Variants in CDC27 observed in about 807,000 individuals in gnomAD.
The protein encoded by CDC27 is cell division cycle 27.
In CDC27, 27 loss-of-function variants were observed where a neutral mutation model predicts 109.7. That is an observed-to-expected ratio of 0.25 (90% confidence interval 0.18 to 0.34). The LOEUF is 0.34. Ranked by LOEUF, CDC27 falls within the 10% of genes least tolerant of loss-of-function variation. The probability of loss-of-function intolerance (pLI) is 1.00; values close to 1 mark genes in which losing one functional copy is unlikely to be tolerated. For synonymous variants in CDC27, 266 were observed against 333.9 expected, an observed-to-expected ratio of 0.80 and a Z score of 2.22; for missense variants, 579 against 960.2, an observed-to-expected ratio of 0.60 and a Z score of 5.25.
intron 10 of CDC27, among the ~76,000 whole-genome samples, chr17:47,143,120 C>T (rs1384484191): frequency 6.6e-6 from 1 of 151,954 alleles, no homozygotes; most frequent in East Asian, 1.9e-4. Flanking sequence ...TCAAAGAGTA[C>T]TACCATCCCA....
rs771110019 is a variant in CDC27 at position 47,120,094 on chromosome 17, G to C, written c.*841C>G. On this transcript the variant is annotated 3_prime_UTR_variant, in exon 19 of 19. Transcript: ENST00000066544. ...GTGTTCTCCTTCTGATTCATATGGTGAACTTAAGGGGTTATTAAGGGCCTT... is the reference window on the plus strand; with the variant it reads ...GTGTTCTCCTTCTGATTCATATGGTCAACTTAAGGGGTTATTAAGGGCCTT... 1 of 152,140 alleles carries C rather than the reference G, an allele frequency of 6.6e-6. No homozygotes were observed. The highest frequency in any genetic ancestry group is 1.5e-5 in the Non-Finnish European group (1 of 68,022). The allele number at this position is 152,140 out of a possible 1,614,324, so 9.4% of individuals were successfully genotyped here. A position where few individuals can be genotyped will look rare whatever the true frequency, so the allele number is the denominator to read the frequency against.
chr17:47,173,297 TAATA>T (rs1051874148), intron 2 of CDC27, among the ~76,000 whole-genome samples: 17 of 151,042 alleles, frequency 1.1e-4, no homozygotes, highest in African/African-American at 3.9e-4. Flanking sequence ...GTGTAAAAAA[TAATA>T]AATAGTAAAT....
intron 2 of CDC27, among the ~76,000 whole-genome samples, chr17:47,174,790 T>C (rs1433450773): frequency 6.6e-6 from 1 of 152,072 alleles, no homozygotes; most frequent in Non-Finnish European, 1.5e-5. Flanking sequence ...ACCCCATCTC[T>C]ACTAAAAATA....
Position 47,132,344 on chromosome 17 carries a change from T to A in CDC27, c.1944A>T (p.Gln648His). 1 of 1,600,176 alleles carries A rather than the reference T, an allele frequency of 6.2e-7. No homozygotes were observed. The highest frequency in any genetic ancestry group is 8.5e-7 in the Non-Finnish European group (1 of 1,169,672). The change falls in exon 15 of 19, where the codon CAA becomes CAT. Residue 648 changes from glutamine to histidine, a missense_variant. Gln to His is a conservative substitution (Grantham distance 24). This residue lies in a region of CDC27 where 227 missense variants were observed against 363.6 expected (regional missense o/e 0.62). Coordinates refer to ENST00000066544, the MANE Select transcript of CDC27 (RefSeq NM_001256.6). Reference protein sequence around the residue: ...WYGLGMIYYKQEKFSLAEMHF... With the variant: ...WYGLGMIYYKHEKFSLAEMHF... The stretch of plus-strand genomic sequence containing the variant: ...GCATTTCTGCAAGGCTGAATTTTTC[T>A]TGCTTGTAATAAATCATTCCTAAAC...
intron 12 of CDC27, among the ~76,000 whole-genome samples, chr17:47,141,069 C>T (rs2062779030): frequency 6.6e-6 from 1 of 152,162 alleles, no homozygotes. Context: ...GTAAGCTCCA[C>T]AGAGGCAAGA....
intron 9 of CDC27, among the ~76,000 whole-genome samples, chr17:47,148,826 T>C (rs984034621): frequency 2.0e-5 from 3 of 152,092 alleles, no homozygotes; most frequent in African/African-American, 7.2e-5. Flanking sequence ...ATGCCTGTAA[T>C]CTCAGCACTT....
rs534711882 is a variant in CDC27 at position 47,137,264 on chromosome 17, C to G, written c.1801G>C (p.Ala601Pro). ...TGCCCTAATAGAGTATAGGCATAAGCGTAATTTGGATCAACTTGGATAGCT... is the reference window on the plus strand; with the variant it reads ...TGCCCTAATAGAGTATAGGCATAAGGGTAATTTGGATCAACTTGGATAGCT... ...QRAIQVDPNY[A>P]YAYTLLGHEF... The change falls in exon 14 of 19, where the codon GCT becomes CCT. Residue 601 changes from alanine to proline, a missense_variant. This residue lies in a region of CDC27 where 227 missense variants were observed against 363.6 expected (regional missense o/e 0.62). Transcript: ENST00000066544. 2.5e-6 allele frequency: 4 copies of G among 1,610,998 alleles called. No individual in the cohort carries two copies. The South Asian group carries it at 4.4e-5, about 18-fold the overall frequency.
chr17:47,144,732 T>C (rs1438591781), intron 9 of CDC27, among the ~76,000 whole-genome samples: 1 of 152,202 alleles, frequency 6.6e-6, no homozygotes, highest in East Asian at 1.9e-4. Flanking sequence ...CTAAACTTTA[T>C]AATTTATGGG....
Position 47,138,705 on chromosome 17 carries a change from T to C in CDC27, c.1704+34A>G, listed in dbSNP as rs372743228. 2.5e-5 allele frequency: 38 copies of C among 1,514,060 alleles called. 1 individual carries two copies. The African/African-American group carries it at 5.1e-4, about 20-fold the overall frequency. The allele number at this position is 1,514,060 out of a possible 1,614,324, so 93.8% of individuals were successfully genotyped here. A position where few individuals can be genotyped will look rare whatever the true frequency, so the allele number is the denominator to read the frequency against. On this transcript the variant is annotated intron_variant, in intron 13 of 18. Coordinates refer to ENST00000066544, the MANE Select transcript of CDC27 (RefSeq NM_001256.6). Reference sequence around the variant, plus strand: ...TATCTGTTGAGGGTGATCAAAAAGGTAACTATATAAGCAAAGTATTTTGGT... The same window carrying C: ...TATCTGTTGAGGGTGATCAAAAAGGCAACTATATAAGCAAAGTATTTTGGT...
intron 1 of CDC27, among the ~76,000 whole-genome samples, chr17:47,185,473 G>A (rs778827644): frequency 2.0e-5 from 3 of 152,198 alleles, no homozygotes; most frequent in Non-Finnish European, 4.4e-5. Context: ...GTGAGGCACC[G>A]CGCCCGGCCT....
At chr17:47,179,539 G>C (rs900358417) in intron 2 of CDC27, among the ~76,000 whole-genome samples, 3 of 152,182 alleles carry the variant, frequency 2.0e-5, no homozygotes, top group African/African-American at 7.2e-5. Context: ...ATGTCTATTT[G>C]ATAGGATTAT....
chr17:47,124,101 CTTATTG>C, intron 16 of CDC27, 141 bp from the exon 17 acceptor site: 1 of 532,324 alleles, frequency 1.9e-6, no homozygotes, highest in South Asian at 2.3e-5. Context: ...TGTATTAGTT[CTTATTG>C]CTGTGAAAAT....
intron 7 of CDC27, among the ~76,000 whole-genome samples, chr17:47,155,148 T>C (rs2063263718): frequency 6.6e-6 from 1 of 152,236 alleles, no homozygotes; most frequent in Admixed American, 6.5e-5. Context: ...CTAGAGACCA[T>C]TAGATAACTA....
chr17:47,180,749 T>G (rs558083460), intron 2 of CDC27, among the ~76,000 whole-genome samples: 68 of 152,190 alleles, frequency 4.5e-4, no homozygotes, highest in African/African-American at 1.6e-3. Context: ...GCTAAGGGCT[T>G]TAAATAAACC....
At position 47,159,781 on chromosome 17, in the gene CDC27, C is replaced by T. The variant is rs1036564710; in HGVS notation, c.378-1478G>A. The T allele has an allele frequency of 1.4e-5, 6 of 430,560 alleles. No individual in the cohort carries two copies. In the Admixed American group the frequency reaches 1.5e-4, roughly 11 times the overall value. 26.7% of individuals were successfully genotyped at this position (430,560 alleles called of 1,614,324 possible). A position where few individuals can be genotyped will look rare whatever the true frequency, so the allele number is the denominator to read the frequency against. On this transcript the variant is annotated intron_variant, in intron 4 of 18. Coordinates refer to ENST00000066544, the MANE Select transcript of CDC27 (RefSeq NM_001256.6). The stretch of plus-strand genomic sequence containing the variant: ...AAACCTTGTGCTTGAGAGAGGCCCC[C>T]AGGAAAAAGTCAATGATCTCAGATT...
rs1238324651 is a variant in CDC27 at position 47,118,615 on chromosome 17, T to C, written c.*2320A>G. ...TATGTGTGAAACAGAGAAAAGGATG[T>C]CAAACTACTTAATTTAATTTCTGTA... is the stretch of plus-strand genomic sequence containing the variant. On this transcript the variant is annotated 3_prime_UTR_variant, in exon 19 of 19. Coordinates refer to ENST00000066544, the MANE Select transcript of CDC27 (RefSeq NM_001256.6). 6.6e-6 allele frequency: 1 copy of C among 152,526 alleles called. No homozygotes were observed. The highest frequency in any genetic ancestry group is 1.5e-5 in the Non-Finnish European group (1 of 68,036). 9.4% of individuals were successfully genotyped at this position (152,526 alleles called of 1,614,324 possible).
chr17:47,169,900 G>C lies in CDC27; in HGVS notation c.377+17C>G, dbSNP rs2063763883. ...TATGGAAATGCTTTTCTGACAGTTT[G>C]AATCATTCTTACTTACCAATATACA... On this transcript the variant is annotated intron_variant, in intron 4 of 18. Coordinates refer to ENST00000066544, the MANE Select transcript of CDC27 (RefSeq NM_001256.6). The C allele has an allele frequency of 6.4e-7, 1 of 1,554,016 alleles. No homozygotes were observed. Among genetic ancestry groups the C allele is most frequent in the Non-Finnish European group, 8.6e-7 (1 of 1,156,720 alleles).
chr17:47,133,022 T>TACAC (rs1422473112), intron 14 of CDC27, among the ~76,000 whole-genome samples: 34 of 41,564 alleles, frequency 8.2e-4, no homozygotes, highest in East Asian at 2.6e-3. Flanking sequence ...TATATATATA[T>TACAC]ATATATACAC....
chr17:47,134,792 T>C (rs184479823), intron 14 of CDC27, among the ~76,000 whole-genome samples: 109 of 150,702 alleles, frequency 7.2e-4, no homozygotes, highest in African/African-American at 2.5e-3. Context: ...TTTCTTTTTT[T>C]TTTTTTTTTT....
Sources: allele counts gnomAD v4.1 joint callset (sites outside exome capture counted in the v4.1 genomes callset), GRCh38; gene constraint gnomAD v4.1.1; regional missense constraint gnomAD v4.1.1; transcripts MANE v1.5; gene names NCBI Gene and HGNC (gene_info 2026-07-23, HGNC 2026-07-21).